The following ASH2L variants were observed in gnomAD, a reference collection of about 807,000 sequenced individuals.
ASH2L encodes ASH2 like, histone lysine methyltransferase complex subunit.
ASH2L carries 30 observed loss-of-function variants against 81.1 expected under a neutral mutation model. The ratio of observed to expected loss-of-function variants is 0.37; its 90% confidence interval spans 0.28 to 0.50. The LOEUF (loss-of-function observed/expected upper bound fraction) is 0.50, where lower values mean the gene tolerates loss of function less well. ASH2L is among the 20% of genes least tolerant of loss of function. The pLI, the probability that ASH2L is intolerant of heterozygous loss-of-function variation, is 0.95. For missense variants in ASH2L, 559 were observed against 792.1 expected (o/e 0.71, Z 3.53); for synonymous variants, 273 against 279.9 (o/e 0.98, Z 0.24).
chr8:38,116,875 G>A (rs569074770), intron 8 of ASH2L, 150 bp downstream of exon 8: 2 of 652,994 alleles, frequency 3.1e-6, no homozygotes, highest in African/African-American at 3.7e-5. Flanking sequence ...AACTAGCCAA[G>A]GATTTGGCAG....
chr8:38,122,332 G>T (rs1444572093), intron 10 of ASH2L: 1 of 151,994 alleles, frequency 6.6e-6, no homozygotes, highest in South Asian at 2.1e-4. Context: ...ACCGAGCCCT[G>T]GTTCCTTTGA....
At chr8:38,131,167 C>T (rs1054396574) in intron 12 of ASH2L, among the ~76,000 whole-genome samples, 3 of 152,082 alleles carry the variant, frequency 2.0e-5, no homozygotes, top group Non-Finnish European at 4.4e-5. Context: ...AAGCAGCCTA[C>T]AGTCTCATTT....
Position 38,120,922 on chromosome 8 carries a change from C to T in ASH2L, c.948-10C>T. On this transcript the variant is annotated splice_polypyrimidine_tract_variant and intron_variant, in intron 9 of 15. Transcript: ENST00000343823. ...TTTAGTTTTTTGATGTTATTTTTTC[C>T]TTTCTGCAGTGACCCTTTGTTTTCT... The T allele has an allele frequency of 1.2e-6, 2 of 1,609,692 alleles. No individual in the cohort carries two copies. The highest frequency in any genetic ancestry group is 1.7e-6 in the Non-Finnish European group (2 of 1,178,212).
intron 3 of ASH2L, 43 bp from the exon 4 acceptor site, chr8:38,110,336 T>C (rs370079408): frequency 1.9e-5 from 27 of 1,420,768 alleles, no homozygotes; most frequent in Non-Finnish European, 2.6e-5. Flanking sequence ...GAAGTGTGTG[T>C]GTTCACAAGT....
In ASH2L at chr8:38,135,782, C is replaced by T. The variant is rs764026491; in HGVS notation, c.1719+16C>T. On this transcript the variant is annotated intron_variant, in intron 14 of 15. Transcript: ENST00000343823. ...GAGCTGCACGGTACGTACATGTTTC[C>T]ATCCCATGAGCAAAACTTGAGGGAA... The T allele has an allele frequency of 6.4e-7, 1 of 1,571,206 alleles. No individual in the cohort carries two copies. The highest frequency in any genetic ancestry group is 1.2e-5 in the South Asian group (1 of 85,338).
intron 12 of ASH2L, 121 bp from the exon 13 acceptor site, chr8:38,133,333 A>G (rs1033972250): frequency 4.3e-6 from 3 of 691,408 alleles, no homozygotes; most frequent in Non-Finnish European, 7.4e-6. Context: ...CTCAACTGCA[A>G]AGATTTTTAA....
chr8:38,131,676 G>A (rs1320789441), intron 12 of ASH2L, among the ~76,000 whole-genome samples: 2 of 152,122 alleles, frequency 1.3e-5, no homozygotes, highest in Non-Finnish European at 2.9e-5. Flanking sequence ...ATAATTTTTA[G>A]TGACATGTCC....
At chr8:38,134,555 G>C (rs2130580082) in intron 13 of ASH2L, among the ~76,000 whole-genome samples, 1 of 152,294 alleles carries the variant, frequency 6.6e-6, no homozygotes, top group East Asian at 1.9e-4. Flanking sequence ...GTCTGCCCAA[G>C]GTCATAGCAC....
intron 13 of ASH2L, among the ~76,000 whole-genome samples, chr8:38,134,836 G>T (rs556841368): frequency 9.2e-5 from 14 of 152,282 alleles, no homozygotes; most frequent in African/African-American, 3.4e-4. Context: ...AGAGAAGGCA[G>T]CCTTTTCTGA....
Position 38,119,335 on chromosome 8 carries a change from A to G in ASH2L, c.919A>G (p.Thr307Ala). The stretch of plus-strand genomic sequence containing the variant: ...CAAGCGCAAACAGCAGGATGGAGGG[A>G]CCACAGGGACCACCAAGAAGGCCCG... ...GAKRKQQDGG[T>A]TGTTKKARSD... The change falls in exon 9 of 16, where the codon ACC becomes GCC. Residue 307 changes from threonine to alanine, a missense_variant. Thr to Ala is a moderately conservative substitution (Grantham distance 58). Coordinates refer to ENST00000343823, the MANE Select transcript of ASH2L (RefSeq NM_004674.5). 1 of 1,546,294 alleles carries G rather than the reference A, an allele frequency of 6.5e-7. No homozygotes were observed. The highest frequency in any genetic ancestry group is 2.5e-5 in the East Asian group (1 of 40,518).
chr8:38,107,739 C>T (rs569996249), intron 3 of ASH2L, among the ~76,000 whole-genome samples: 1 of 152,022 alleles, frequency 6.6e-6, no homozygotes, highest in Non-Finnish European at 1.5e-5. Context: ...AATAATTGTA[C>T]TGCTCGCTCT....
intron 8 of ASH2L, among the ~76,000 whole-genome samples, chr8:38,118,052 C>CTT (rs762036184): frequency 2.0e-5 from 3 of 152,218 alleles, no homozygotes; most frequent in Non-Finnish European, 2.9e-5. Flanking sequence ...GAGCAAGACT[C>CTT]TGTCTCAAAA....
Position 38,113,832 on chromosome 8 carries a change from A to G in ASH2L, c.586-360A>G, listed in dbSNP as rs556022820. Reference sequence around the variant, plus strand: ...TTTGAGGTCCCTTTAGGATGTCCAGATAGAGATGTCTCAGCTGGTAGAAAT... The same window carrying G: ...TTTGAGGTCCCTTTAGGATGTCCAGGTAGAGATGTCTCAGCTGGTAGAAAT... On this transcript the variant is annotated intron_variant, in intron 5 of 15. Coordinates refer to ENST00000343823, the MANE Select transcript of ASH2L (RefSeq NM_004674.5). Among the ~76,000 whole-genome samples, 98 of 152,350 alleles carry G rather than the reference A, an allele frequency of 6.4e-4. 1 individual carries two copies. Among genetic ancestry groups the G allele is most frequent in the Middle Eastern group, 3.4e-3 (1 of 294 alleles).
intron 3 of ASH2L, among the ~76,000 whole-genome samples, chr8:38,109,131 C>T (rs1189081362): frequency 1.3e-5 from 2 of 152,118 alleles, no homozygotes; most frequent in African/African-American, 4.8e-5. Context: ...TTATCTTTTA[C>T]AACTGAGATA....
At position 38,128,390 on chromosome 8, in the gene ASH2L, A is replaced by G. The variant is rs1801940786; in HGVS notation, c.1265A>G (p.Tyr422Cys). The G allele has an allele frequency of 2.5e-6, 4 of 1,614,126 alleles. No homozygotes were observed. The highest frequency in any genetic ancestry group is 3.4e-6 in the Non-Finnish European group (4 of 1,180,020). Residue 422 changes from tyrosine to cysteine, a missense_variant, in exon 11 of 16, where the codon TAT (tyrosine) becomes TGT (cysteine). Coordinates refer to ENST00000343823, the MANE Select transcript of ASH2L (RefSeq NM_004674.5). ...CATGGAGTACGGAAAGGTGCCTGGTATTTTGAAATCACTGTGGATGAGATG... is the reference window on the plus strand; with the variant it reads ...CATGGAGTACGGAAAGGTGCCTGGTGTTTTGAAATCACTGTGGATGAGATG... The part of the protein sequence containing the change: ...ASHGVRKGAW[Y>C]FEITVDEMPP...
In ASH2L at chr8:38,114,424, A is replaced by G. The variant is rs2517399; in HGVS notation, c.681+137A>G. On this transcript the variant is annotated intron_variant, in intron 6 of 15. Transcript: ENST00000343823. ...AAATCTTTGAGTGTGAGATACAGCT[A>G]ATTGTGAATTTTAGTAGTTTTCACA... 6.4e-3 allele frequency: 3,928 copies of G among 616,030 alleles called. 138 individuals are homozygous for G. In the African/African-American group the frequency reaches 0.066, roughly 10 times the overall value. 38.2% of individuals were successfully genotyped at this position (616,030 alleles called of 1,614,324 possible).
rs1453971881 is a variant in ASH2L at position 38,105,695 on chromosome 8, G to T, written c.145G>T (p.Ala49Ser). The change falls in exon 1 of 16, where the codon GCT becomes TCT. Residue 49 changes from alanine (A) to serine (S), a missense_variant. This residue lies in a region of ASH2L where 145 missense variants were observed against 115.5 expected (regional missense o/e 1.26). Transcript: ENST00000343823. ...CGCTCCTCCTGGAGAGGGGATCTCT[G>T]CTGCTCCGACAGTTGAGCCCAGTTC... is the stretch of plus-strand genomic sequence containing the variant. ...AAAPPGEGIS[A>S]APTVEPSSGE... 16 of 1,567,380 alleles carry T rather than the reference G, an allele frequency of 1.0e-5. No individual in the cohort carries two copies. The highest frequency in any genetic ancestry group is 1.9e-5 in the Admixed American group (1 of 51,384).
At chr8:38,106,830 C>A (rs1810455231) in intron 2 of ASH2L, among the ~76,000 whole-genome samples, 191 bp from the exon 3 acceptor site, 1 of 147,494 alleles carries the variant, frequency 6.8e-6, no homozygotes, top group South Asian at 2.4e-4. Flanking sequence ...CATTTTTAAG[C>A]GAATCAAAAA....
At chr8:38,126,207 A>G (rs1585594292) in intron 10 of ASH2L, among the ~76,000 whole-genome samples, 1 of 152,134 alleles carries the variant, frequency 6.6e-6, no homozygotes. Context: ...TATCTCCAAA[A>G]AAAAAAAACA....
Sources: gnomAD v4.1 joint callset for allele counts (sites outside exome capture counted in the v4.1 genomes callset) on GRCh38, gnomAD v4.1.1 for gene constraint, gnomAD v4.1.1 regional missense constraint, MANE v1.5 for transcripts, NCBI Gene and HGNC (gene_info 2026-07-23, HGNC 2026-07-21) for gene names.